Variants in VDR observed in about 807,000 individuals in gnomAD.
VDR encodes the protein vitamin D receptor.
In VDR, 19 loss-of-function variants were observed where a neutral mutation model predicts 39.7. The observed-to-expected ratio is 0.48, with a 90% CI of 0.33 to 0.70. The LOEUF is 0.70. Among genes scored for constraint, VDR ranks in the 30% least tolerant of loss-of-function variants. The pLI is 0.02. For missense variants in VDR, 442 were observed against 570.5 expected (o/e 0.77, Z 2.29); for synonymous variants, 242 against 215.8 (o/e 1.12, Z -1.07).
intron 3 of VDR, among the ~76,000 whole-genome samples, chr12:47,875,400 T>G (rs1300452038): frequency 1.3e-5 from 2 of 152,218 alleles, no homozygotes; most frequent in African/African-American, 2.4e-5. Context: ...ACTTGGTTCC[T>G]GTCATCTCTG....
At chr12:47,848,971 T>A (rs1475746514) in intron 7 of VDR, among the ~76,000 whole-genome samples, 2 of 152,174 alleles carry the variant, frequency 1.3e-5, no homozygotes, top group Admixed American at 1.3e-4. Flanking sequence ...CACAAGATGA[T>A]CAATAGAGAT....
At chr12:47,855,583 G>A (rs1464909260) in intron 7 of VDR, 47 bp downstream of exon 7, 6 of 1,609,170 alleles carry the variant, frequency 3.7e-6, no homozygotes, top group Non-Finnish European at 5.1e-6. Flanking sequence ...TTGTAGCTCA[G>A]TCTAGGACTC....
chr12:47,872,169 C>G (rs544254644), intron 3 of VDR, among the ~76,000 whole-genome samples: 2 of 152,180 alleles, frequency 1.3e-5, no homozygotes, highest in Non-Finnish European at 2.9e-5. Context: ...TTGGTTAGAT[C>G]GATATGTTTG....
At chr12:47,858,029 G>A (rs11168268) in intron 4 of VDR, among the ~76,000 whole-genome samples, 86,605 of 151,926 alleles carry the variant, frequency 0.57, 25,046 homozygotes, top group African/African-American at 0.63. Flanking sequence ...TTTGGACCAT[G>A]TAAGTTCTTC....
rs192372886 is a variant in VDR, at chr12:47,890,166, G to A, written c.-83-7392C>T. 1.6e-3 allele frequency among the ~76,000 whole-genome samples: 245 copies of A among 151,828 alleles called. 1 individual carries two copies. Among genetic ancestry groups the A allele is most frequent in the African/African-American group, 5.6e-3 (230 of 41,388 alleles). ...GCATTTCACTGCCACGAAACAAGGC[G>A]GGGAGGGATTCTAAAACACACAGCA... is the stretch of plus-strand genomic sequence containing the variant. On this transcript the variant is annotated intron_variant, in intron 1 of 9. Coordinates refer to ENST00000549336, the MANE Select transcript of VDR (RefSeq NM_000376.3).
intron 1 of VDR, among the ~76,000 whole-genome samples, chr12:47,892,953 G>A (rs1383417843): frequency 1.3e-5 from 2 of 152,196 alleles, no homozygotes; most frequent in Non-Finnish European, 2.9e-5. Context: ...CCAGGCAGAG[G>A]ATACTGCACA....
At chr12:47,855,947 C>T in intron 6 of VDR, 146 bp from the exon 7 acceptor site, 1 of 917,162 alleles carries the variant, frequency 1.1e-6, no homozygotes, top group Non-Finnish European at 1.7e-6. Flanking sequence ...CCTTCAGCCC[C>T]AGGCTTCCCT....
In VDR at chr12:47,904,730, G is replaced by A. The variant is rs1163855251; in HGVS notation, c.-84+225C>T. The A allele has an allele frequency of 8.1e-6, 10 of 1,235,756 alleles. No individual in the cohort carries two copies. The Admixed American group carries it at 1.5e-4, about 18-fold the overall frequency. The allele number at this position is 1,235,756 out of a possible 1,614,324, so 76.5% of individuals were successfully genotyped here. A position where few individuals can be genotyped will look rare whatever the true frequency, so the allele number is the denominator to read the frequency against. On this transcript the variant is annotated intron_variant, in intron 1 of 9. Coordinates refer to ENST00000549336, the MANE Select transcript of VDR (RefSeq NM_000376.3). ...ATTTCTCCTAAGCGCCGAGGATGTC[G>A]CTGCTCCCCTCGCCAGCCTGGCACG...
intron 3 of VDR, among the ~76,000 whole-genome samples, chr12:47,867,514 G>T (rs1945762049): frequency 6.6e-6 from 1 of 152,168 alleles, no homozygotes; most frequent in Non-Finnish European, 1.5e-5. Context: ...GACTTTGGGA[G>T]GCTGCATAAA....
At chr12:47,855,890 C>G in intron 6 of VDR, 89 bp from the exon 7 acceptor site, 1 of 1,539,288 alleles carries the variant, frequency 6.5e-7, no homozygotes, top group South Asian at 1.1e-5. Flanking sequence ...CTGGTGTGCC[C>G]TGGCAGCAGA....
At chr12:47,850,146 C>G (rs1945357333) in intron 7 of VDR, among the ~76,000 whole-genome samples, 2 of 152,218 alleles carry the variant, frequency 1.3e-5, no homozygotes, top group Admixed American at 6.5e-5. Context: ...GCCACCGTGC[C>G]TGGCACCTTC....
At chr12:47,876,784 A>G (rs1946016428) in intron 3 of VDR, among the ~76,000 whole-genome samples, 1 of 152,192 alleles carries the variant, frequency 6.6e-6, no homozygotes, top group Non-Finnish European at 1.5e-5. Flanking sequence ...GAGGATTCCC[A>G]GCCTAGTGGT....
intron 1 of VDR, among the ~76,000 whole-genome samples, chr12:47,894,660 T>C (rs1238337496): frequency 6.6e-6 from 1 of 152,200 alleles, no homozygotes; most frequent in Non-Finnish European, 1.5e-5. Flanking sequence ...TTAACAGAGA[T>C]GAAAATAATT....
intron 1 of VDR, among the ~76,000 whole-genome samples, chr12:47,903,344 G>A (rs529173980): frequency 4.6e-5 from 7 of 152,334 alleles, no homozygotes; most frequent in African/African-American, 1.7e-4. Context: ...GTCCAGAGAG[G>A]CTGCTGAGTG....
At chr12:47,872,337 G>T (rs1031518704) in intron 3 of VDR, among the ~76,000 whole-genome samples, 17 of 152,190 alleles carry the variant, frequency 1.1e-4, no homozygotes, top group African/African-American at 4.1e-4. Flanking sequence ...CTAAATAAAG[G>T]GAAAGAAGAG....
At chr12:47,863,175 G>A (rs996507308) in intron 4 of VDR, among the ~76,000 whole-genome samples, 11 of 152,292 alleles carry the variant, frequency 7.2e-5, no homozygotes, top group African/African-American at 2.2e-4. Context: ...TGGATGCAGC[G>A]CTGTTTATGG....
chr12:47,858,631 C>G (rs192974216), intron 4 of VDR, among the ~76,000 whole-genome samples: 1 of 152,234 alleles, frequency 6.6e-6, no homozygotes, highest in South Asian at 2.1e-4. Context: ...GTGCCTGGCA[C>G]GGCGGCTGGG....
chr12:47,860,098 G>C (rs1945596662), intron 4 of VDR, among the ~76,000 whole-genome samples: 1 of 151,904 alleles, frequency 6.6e-6, no homozygotes, highest in Non-Finnish European at 1.5e-5. Flanking sequence ...AGAGTACCTG[G>C]GCTTATAGGC....
At chr12:47,893,028 G>C (rs1353830775) in intron 1 of VDR, among the ~76,000 whole-genome samples, 1 of 152,184 alleles carries the variant, frequency 6.6e-6, no homozygotes, top group African/African-American at 2.4e-5. Flanking sequence ...CAATGTGGCT[G>C]GAGAGAGGGA....
Sources: gnomAD v4.1 joint callset for allele counts (sites outside exome capture counted in the v4.1 genomes callset) on GRCh38, gnomAD v4.1.1 for gene constraint, MANE v1.5 for transcripts, NCBI Gene and HGNC (gene_info 2026-07-23, HGNC 2026-07-21) for gene names.